Variants in KAZN observed in about 807,000 individuals in gnomAD.
KAZN encodes kazrin, periplakin interacting protein.
Under a neutral mutation model 87.4 loss-of-function variants are expected in KAZN, and 40 were observed. The ratio of observed to expected loss-of-function variants is 0.46; its 90% CI spans 0.36 to 0.60. KAZN has a LOEUF of 0.60. Ranked by LOEUF, KAZN falls within the 20% of genes least tolerant of loss-of-function variation. The probability of loss-of-function intolerance (pLI) is 0.00; values close to 1 mark genes in which losing one functional copy is unlikely to be tolerated. For synonymous variants in KAZN, 466 were observed against 458.3 expected (o/e 1.02, Z -0.22); for missense variants, 898 against 1,073.9 (o/e 0.84, Z 2.29).
chr1:14,738,145 A>G (rs1643968589), intron 1 of KAZN, among the ~76,000 whole-genome samples: 1 of 152,086 alleles, frequency 6.6e-6, no homozygotes, highest in South Asian at 2.1e-4. Flanking sequence ...CACACCATGC[A>G]CCCAGCTCCA....
At chr1:15,009,897 C>A (rs1669407194) in intron 2 of KAZN, among the ~76,000 whole-genome samples, 1 of 152,142 alleles carries the variant, frequency 6.6e-6, no homozygotes, top group African/African-American at 2.4e-5. Flanking sequence ...ATGTCATCTA[C>A]AAATATTGTA....
chr1:14,433,835 G>A (rs546690639), intron 2 of KAZN, among the ~76,000 whole-genome samples: 13 of 152,336 alleles, frequency 8.5e-5, no homozygotes, highest in African/African-American at 3.1e-4. Flanking sequence ...ACTCCAGCGT[G>A]AGCAACTGAG....
chr1:14,740,660 A>G (rs1369722188), intron 1 of KAZN, among the ~76,000 whole-genome samples: 2 of 151,660 alleles, frequency 1.3e-5, no homozygotes, highest in Non-Finnish European at 2.9e-5. Context: ...GGCCGCCCGC[A>G]CTCCCATCTC....
At chr1:14,384,414 C>CCA (rs1046102841) in intron 2 of KAZN, among the ~76,000 whole-genome samples, 1 of 151,976 alleles carries the variant, frequency 6.6e-6, no homozygotes, top group Admixed American at 6.6e-5. Context: ...GGGAATGCTT[C>CCA]CAGTTTTTGC....
intron 1 of KAZN, among the ~76,000 whole-genome samples, chr1:14,837,255 A>G (rs1647353603): frequency 6.6e-6 from 1 of 152,062 alleles, no homozygotes; most frequent in Non-Finnish European, 1.5e-5. Context: ...CTGGAGTGCA[A>G]TAGTGCGGTC....
Position 14,043,747 on chromosome 1 carries a change from A to G in KAZN, c.92-136688A>G, listed in dbSNP as rs139723803. On this transcript the variant is annotated intron_variant, in intron 1 of 16. Transcript: ENST00000636203. ...GTTATCCTCTTTAATCCTCACATCA[A>G]CTCGGAGGGAGGTGCTATTTCATAT... Among the ~76,000 whole-genome samples the G allele has an allele frequency of 2.6e-5, 4 of 152,140 alleles. No individual in the cohort carries two copies. The East Asian group carries it at 7.7e-4, about 29-fold the overall frequency.
upstream of KAZN, among the ~76,000 whole-genome samples, chr1:14,594,773 C>T (rs754230021): frequency 6.6e-6 from 1 of 152,178 alleles, no homozygotes; most frequent in Non-Finnish European, 1.5e-5. Context: ...AGGACACCGG[C>T]GGTAAACGCC....
intron 2 of KAZN, among the ~76,000 whole-genome samples, chr1:14,359,615 T>C (rs1659332758): frequency 1.3e-5 from 2 of 152,222 alleles, no homozygotes; most frequent in Non-Finnish European, 2.9e-5. Context: ...TCAGGAGCTC[T>C]TGAAAGGCAG....
chr1:14,064,234 A>G (rs1642913468), intron 1 of KAZN, among the ~76,000 whole-genome samples: 1 of 152,204 alleles, frequency 6.6e-6, no homozygotes, highest in African/African-American at 2.4e-5. Context: ...TTACATTGCC[A>G]GAAGAGAGCT....
chr1:15,054,707 T>G lies in KAZN; in HGVS notation c.727-1384T>G, dbSNP rs143442814. On this transcript the variant is annotated intron_variant, in intron 4 of 14. Coordinates refer to ENST00000376030, the MANE Select transcript of KAZN (RefSeq NM_201628.3). ...ATAATATGCAGTAGCACATTTCTAA[T>G]ACTTGCCGTTTTTCTCCCCAAAAGA... 1.6e-3 allele frequency among the ~76,000 whole-genome samples: 240 copies of G among 151,894 alleles called. 1 individual carries two copies. In the Middle Eastern group the frequency reaches 0.021, roughly 13 times the overall value.
At chr1:14,075,272 G>A (rs981460386) in intron 1 of KAZN, among the ~76,000 whole-genome samples, 8 of 152,244 alleles carry the variant, frequency 5.3e-5, no homozygotes, top group Admixed American at 1.3e-4. Context: ...CTTGGTCTTG[G>A]TGCTGAAATA....
chr1:14,393,786 G>A (rs892203543), intron 2 of KAZN, among the ~76,000 whole-genome samples: 7 of 145,308 alleles, frequency 4.8e-5, no homozygotes, highest in Non-Finnish European at 8.9e-5. Context: ...TGCAGAGGTT[G>A]CAGTAAGCCA....
chr1:14,526,447 G>A (rs1016291941), intron 2 of KAZN, among the ~76,000 whole-genome samples: 4 of 152,140 alleles, frequency 2.6e-5, no homozygotes, highest in Non-Finnish European at 5.9e-5. Context: ...TGCCCCGGAG[G>A]TTTGAAATAA....
At chr1:14,592,470 T>C (rs1676260194) in intron 2 of KAZN, among the ~76,000 whole-genome samples, 1 of 152,158 alleles carries the variant, frequency 6.6e-6, no homozygotes, top group Non-Finnish European at 1.5e-5. Context: ...TAAATGCAGA[T>C]ATCGAGACAC....
At chr1:14,108,596 G>T (rs183894212) in intron 1 of KAZN, among the ~76,000 whole-genome samples, 10 of 152,258 alleles carry the variant, frequency 6.6e-5, no homozygotes, top group African/African-American at 2.4e-4. Flanking sequence ...CTAAATGATG[G>T]TCATTCCACT....
chr1:14,031,480 G>C (rs1328049090), intron 1 of KAZN, among the ~76,000 whole-genome samples: 1 of 152,240 alleles, frequency 6.6e-6, no homozygotes, highest in Non-Finnish European at 1.5e-5. Context: ...CCTTGTTATA[G>C]AAATGCTTGG....
intron 1 of KAZN, among the ~76,000 whole-genome samples, chr1:14,846,234 TAAG>T (rs1020487180): frequency 1.2e-4 from 18 of 152,332 alleles, no homozygotes; most frequent in South Asian, 8.3e-4. Flanking sequence ...GCAAAATTGC[TAAG>T]AAGCCCTGCA....
Position 15,004,191 on chromosome 1 carries a change from C to G in KAZN, c.419-30558C>G, listed in dbSNP as rs11580445. ...GAGAACGTCCTGTATTTCATAAACTCTAAAATGTGCACTTTTTGCATTTTA... is the reference window on the plus strand; with the variant it reads ...GAGAACGTCCTGTATTTCATAAACTGTAAAATGTGCACTTTTTGCATTTTA... On this transcript the variant is annotated intron_variant, in intron 2 of 14. Coordinates refer to ENST00000376030, the MANE Select transcript of KAZN (RefSeq NM_201628.3). Among the ~76,000 whole-genome samples, 1,358 of 152,286 alleles carry G rather than the reference C, an allele frequency of 8.9e-3. 28 individuals carry two copies. The highest frequency in any genetic ancestry group is 0.031 in the African/African-American group (1,282 of 41,542).
intron 1 of KAZN, among the ~76,000 whole-genome samples, chr1:14,676,462 G>A (rs2078312): frequency 0.42 from 63,634 of 151,998 alleles, 14,049 homozygotes; most frequent in East Asian, 0.53. Context: ...TGATAGAAAA[G>A]ATGATGCTTG....
Sources: allele counts gnomAD v4.1 joint callset (sites outside exome capture counted in the v4.1 genomes callset), GRCh38; gene constraint gnomAD v4.1.1; transcripts MANE v1.5; gene names NCBI Gene and HGNC (gene_info 2026-07-23, HGNC 2026-07-21).